Variants in KIAA0825 observed in about 807,000 individuals in gnomAD.
KIAA0825 encodes KIAA0825.
Under a neutral mutation model 147.6 loss-of-function variants are expected in KIAA0825, and 119 were observed. The ratio of observed to expected loss-of-function variants is 0.81; its 90% CI spans 0.69 to 0.94. KIAA0825 has a LOEUF of 0.94. KIAA0825 is among the 40% of genes least tolerant of loss of function. The pLI is 0.00. For synonymous variants in KIAA0825, 470 were observed against 518.1 expected (o/e 0.91, Z 1.26); for missense variants, 1,381 against 1,472.7 (o/e 0.94, Z 1.02).
chr5:94,403,645 A>G lies in KIAA0825; in HGVS notation c.2811T>C (p.Pro937=), dbSNP rs1453832569. 1 of 1,551,634 alleles carries G rather than the reference A, an allele frequency of 6.4e-7. No individual in the cohort carries two copies. Among genetic ancestry groups the G allele is most frequent in the Non-Finnish European group, 8.7e-7 (1 of 1,146,930 alleles). ...CETNLNKHIV[P]DCLLESMPKE... Reference sequence around the variant, plus strand: ...TTGGCATGCTCTCAAGCAAACAATCAGGAACAATGTGCTTGTTTAGGTTTG... The same window carrying G: ...TTGGCATGCTCTCAAGCAAACAATCGGGAACAATGTGCTTGTTTAGGTTTG... The change falls in exon 16 of 21, where the codon CCT becomes CCC. Residue 937 remains proline (P), a synonymous_variant. Transcript: ENST00000682413.
chr5:94,318,476 G>A lies in KIAA0825; in HGVS notation c.3710+65892C>T, dbSNP rs913549219. 9.2e-5 allele frequency among the ~76,000 whole-genome samples: 14 copies of A among 151,948 alleles called. No homozygotes were observed. In the South Asian group the frequency reaches 1.0e-3, roughly 11 times the overall value. ...ACTTTAGAAAAAAGCCATCTGACTC[G>A]TAATTTACTGTAGAAATTAGTAGCC... On this transcript the variant is annotated intron_variant, in intron 20 of 20. Transcript: ENST00000682413.
chr5:94,427,698 CTTTTA>C (rs1755070389), intron 14 of KIAA0825, among the ~76,000 whole-genome samples: 2 of 151,976 alleles, frequency 1.3e-5, no homozygotes, highest in Non-Finnish European at 2.9e-5. Flanking sequence ...TTTTTTCCAA[CTTTTA>C]TTTTAATTTT....
At chr5:94,342,569 A>C (rs1056848743) in intron 20 of KIAA0825, among the ~76,000 whole-genome samples, 1 of 152,152 alleles carries the variant, frequency 6.6e-6, no homozygotes, top group African/African-American at 2.4e-5. Flanking sequence ...TTTAGATAAA[A>C]TGTAATCTCT....
chr5:94,541,659 G>T (rs111612531), intron 2 of KIAA0825, among the ~76,000 whole-genome samples: 2,040 of 152,246 alleles, frequency 0.013, 42 homozygotes, highest in African/African-American at 0.047. Flanking sequence ...CTTTTAATCT[G>T]CTCTTTAACA....
chr5:94,484,991 A>G, intron 5 of KIAA0825, 61 bp from the exon 6 acceptor site: 2 of 1,187,224 alleles, frequency 1.7e-6, no homozygotes, highest in Non-Finnish European at 2.2e-6. Context: ...TAAATATTAG[A>G]ATGATCTGTG....
At chr5:94,549,313 T>A (rs1483568818) in intron 2 of KIAA0825, among the ~76,000 whole-genome samples, 1 of 152,188 alleles carries the variant, frequency 6.6e-6, no homozygotes, top group African/African-American at 2.4e-5. Context: ...TACACTCACA[T>A]GGATATTAAA....
chr5:94,596,136 C>G lies in KIAA0825; in HGVS notation c.-152-13553G>C, dbSNP rs116483990. Among the ~76,000 whole-genome samples the G allele has an allele frequency of 3.9e-3, 597 of 152,240 alleles. 3 individuals carry two copies. Among genetic ancestry groups the G allele is most frequent in the African/African-American group, 0.014 (576 of 41,544 alleles). On this transcript the variant is annotated intron_variant, in intron 1 of 20. Transcript: ENST00000682413. ...CAATTTTTGCAATTGCTTTTGGCAT[C>G]TTTGTCATGACATCTTTGCTACTTC...
chr5:94,172,939 G>A (rs1344837915), intron 20 of KIAA0825, among the ~76,000 whole-genome samples: 1 of 152,118 alleles, frequency 6.6e-6, no homozygotes, highest in African/African-American at 2.4e-5. Flanking sequence ...ATTTGGCAGT[G>A]TGCTTGGCAC....
chr5:94,606,056 A>G (rs556888054), intron 1 of KIAA0825, among the ~76,000 whole-genome samples: 1 of 152,370 alleles, frequency 6.6e-6, no homozygotes, highest in East Asian at 1.9e-4. Flanking sequence ...AAACAACTTC[A>G]GCAAAGTTTC....
At chr5:94,529,395 A>G (rs1279308153) in intron 3 of KIAA0825, among the ~76,000 whole-genome samples, 1 of 145,936 alleles carries the variant, frequency 6.9e-6, no homozygotes, top group African/African-American at 2.5e-5. Flanking sequence ...TGTATATATC[A>G]TATGTATATC....
At chr5:94,601,601 T>C (rs566993009) in intron 1 of KIAA0825, among the ~76,000 whole-genome samples, 1 of 152,000 alleles carries the variant, frequency 6.6e-6, no homozygotes, top group African/African-American at 2.4e-5. Context: ...AACAAACCAC[T>C]GAGCTAAAGG....
intron 20 of KIAA0825, among the ~76,000 whole-genome samples, chr5:94,248,448 A>C (rs1172058460): frequency 6.6e-6 from 1 of 152,122 alleles, no homozygotes; most frequent in African/African-American, 2.4e-5. Context: ...ACACAAATGG[A>C]AATAGATTTG....
chr5:94,530,923 G>A (rs563171616), intron 3 of KIAA0825, among the ~76,000 whole-genome samples: 1 of 152,138 alleles, frequency 6.6e-6, no homozygotes, highest in African/African-American at 2.4e-5. Flanking sequence ...TATGAAGTCT[G>A]GATTTTCAGT....
chr5:94,173,709 T>C (rs1768842571), intron 20 of KIAA0825, among the ~76,000 whole-genome samples: 1 of 152,122 alleles, frequency 6.6e-6, no homozygotes, highest in Non-Finnish European at 1.5e-5. Context: ...CACCTCTTGA[T>C]GGGGGCATGG....
rs1374647141 is a variant in KIAA0825, at chr5:94,594,562, TG to T, written c.-152-11980del. The T allele has an allele frequency of 3.6e-4, 263 of 737,066 alleles. 1 individual carries two copies. Among genetic ancestry groups the T allele is most frequent in the Middle Eastern group, 2.3e-3 (6 of 2,614 alleles). 45.7% of individuals were successfully genotyped at this position (737,066 alleles called of 1,614,324 possible). On this transcript the variant is annotated intron_variant, in intron 1 of 20. Coordinates refer to ENST00000682413, the MANE Select transcript of KIAA0825 (RefSeq NM_001145678.3). Reference sequence around the variant, plus strand: ...AATACTGAAATAGTTGGATCAAGGCTGCCACCAGGAGCTGAAAGGATTGCTT... The same window carrying T: ...AATACTGAAATAGTTGGATCAAGGCTCCACCAGGAGCTGAAAGGATTGCTT...
intron 20 of KIAA0825, among the ~76,000 whole-genome samples, chr5:94,207,145 A>G (rs1012887797): frequency 6.6e-6 from 1 of 152,192 alleles, no homozygotes. Context: ...GCCCATGGCC[A>G]GCAATTCTAA....
intron 20 of KIAA0825, among the ~76,000 whole-genome samples, chr5:94,182,426 CTTTTTGTA>C (rs1225047881): frequency 6.7e-6 from 1 of 150,300 alleles, no homozygotes; most frequent in Non-Finnish European, 1.5e-5. Context: ...CACCAGGCTA[CTTTTTGTA>C]TTTTTAGTAG....
chr5:94,522,296 T>C (rs1476804564), intron 4 of KIAA0825, among the ~76,000 whole-genome samples: 1 of 151,666 alleles, frequency 6.6e-6, no homozygotes, highest in African/African-American at 2.4e-5. Context: ...GTGTAGCTTC[T>C]TTCTCTCTCC....
intron 20 of KIAA0825, among the ~76,000 whole-genome samples, chr5:94,257,047 AAAG>A (rs1245115694): frequency 1.3e-5 from 2 of 152,176 alleles, no homozygotes; most frequent in African/African-American, 4.8e-5. Flanking sequence ...AAAAAGAAAA[AAAG>A]GGACACATGT....
Sources: allele counts gnomAD v4.1 joint callset (sites outside exome capture counted in the v4.1 genomes callset), GRCh38; gene constraint gnomAD v4.1.1; transcripts MANE v1.5; gene names NCBI Gene and HGNC (gene_info 2026-07-23, HGNC 2026-07-21).